GRIK1: variants seen among roughly 807,000 people sequenced by gnomAD.
The protein encoded by GRIK1 is glutamate ionotropic receptor kainate type subunit 1.
GRIK1 carries 69 observed loss-of-function variants against 105.7 expected under a neutral mutation model. The observed-to-expected ratio is 0.65, with a 90% CI of 0.54 to 0.80. GRIK1 has a LOEUF of 0.80. Among genes scored for constraint, GRIK1 ranks in the 30% least tolerant of loss-of-function variants. The pLI is 0.00. For missense variants in GRIK1, 1,109 were observed against 1,167.3 expected (o/e 0.95, Z 0.73); for synonymous variants, 438 against 431.3 (o/e 1.02, Z -0.19).
intron 7 of GRIK1, chr21:29,601,191 G>A (rs772958103): frequency 2.0e-6 from 1 of 502,318 alleles, no homozygotes; most frequent in Non-Finnish European, 4.1e-6. Context: ...GAACAAAAAG[G>A]CAGAGGAAGA....
intron 11 of GRIK1, among the ~76,000 whole-genome samples, chr21:29,588,412 G>T (rs1431679719): frequency 6.6e-6 from 1 of 152,104 alleles, no homozygotes; most frequent in Admixed American, 6.5e-5. Flanking sequence ...ATTGGGATCT[G>T]GTGATTATGA....
At chr21:29,632,859 C>G (rs988882703) in intron 7 of GRIK1, among the ~76,000 whole-genome samples, 2 of 152,176 alleles carry the variant, frequency 1.3e-5, no homozygotes, top group Non-Finnish European at 2.9e-5. Flanking sequence ...TGCAACATTT[C>G]TTGTTGGAGA....
intron 1 of GRIK1, among the ~76,000 whole-genome samples, chr21:29,882,484 A>C (rs1332917783): frequency 6.6e-6 from 1 of 152,122 alleles, no homozygotes; most frequent in African/African-American, 2.4e-5. Context: ...GCTGGTGGGT[A>C]AGAATTGCTC....
At chr21:29,794,100 A>G (rs73897836) in intron 1 of GRIK1, among the ~76,000 whole-genome samples, 2,673 of 152,238 alleles carry the variant, frequency 0.018, 71 homozygotes, top group African/African-American at 0.056. Context: ...TACTTCAAAA[A>G]GTGACCCCGA....
intron 1 of GRIK1, among the ~76,000 whole-genome samples, chr21:29,805,736 G>T (rs969415923): frequency 6.6e-6 from 1 of 152,154 alleles, no homozygotes; most frequent in African/African-American, 2.4e-5. Flanking sequence ...GACATTGCTA[G>T]TCAGCCATTA....
In GRIK1 at chr21:29,746,061, G is replaced by A. The variant is rs1014329313; in HGVS notation, c.119-51998C>T. Among the ~76,000 whole-genome samples the A allele has an allele frequency of 3.9e-5, 6 of 152,084 alleles. No individual in the cohort carries two copies. In the South Asian group the frequency reaches 6.2e-4, roughly 16 times the overall value. On this transcript the variant is annotated intron_variant, in intron 1 of 17. Transcript: ENST00000327783. ...AGAGCTTGCAGTGAGCCAAGATCGC[G>A]CCACTGCACTCCAGCCTGGGTGACA...
At chr21:29,750,098 G>A (rs1272259252) in intron 1 of GRIK1, among the ~76,000 whole-genome samples, 2 of 151,962 alleles carry the variant, frequency 1.3e-5, no homozygotes, top group Non-Finnish European at 2.9e-5. Context: ...TATACAATGA[G>A]GAATCAGGGT....
At chr21:29,646,139 C>A (rs2146538889) in intron 6 of GRIK1, among the ~76,000 whole-genome samples, 1 of 152,254 alleles carries the variant, frequency 6.6e-6, no homozygotes, top group African/African-American at 2.4e-5. Flanking sequence ...TGATGAATGC[C>A]TATTTTTGCT....
At chr21:29,935,672 C>T (rs1215226352) in intron 1 of GRIK1, among the ~76,000 whole-genome samples, 1 of 152,178 alleles carries the variant, frequency 6.6e-6, no homozygotes, top group African/African-American at 2.4e-5. Flanking sequence ...GATTTCCACA[C>T]TATTCATATA....
chr21:29,809,885 A>G (rs2066964493), intron 1 of GRIK1, among the ~76,000 whole-genome samples: 1 of 152,208 alleles, frequency 6.6e-6, no homozygotes, highest in Non-Finnish European at 1.5e-5. Context: ...GCCCGAGGAG[A>G]TGAAGAGAAA....
chr21:29,832,197 G>T (rs939048472), intron 1 of GRIK1, among the ~76,000 whole-genome samples: 2 of 152,176 alleles, frequency 1.3e-5, no homozygotes, highest in African/African-American at 2.4e-5. Context: ...CTATGGATCT[G>T]CAGGGTGCAT....
chr21:29,596,527 T>G lies in GRIK1; in HGVS notation c.1250A>C (p.Lys417Thr). The G allele has an allele frequency of 1.2e-6, 2 of 1,604,638 alleles. No individual in the cohort carries two copies. Among genetic ancestry groups the G allele is most frequent in the Non-Finnish European group, 1.7e-6 (2 of 1,171,360 alleles). The change falls in exon 9 of 18, where the codon AAG (lysine) becomes ACG (threonine). Residue 417 changes from lysine (K) to threonine (T), a missense_variant and splice_region_variant. By Grantham distance (78) the Lys-to-Thr change is moderately conservative. This residue lies in a region of GRIK1 where 612 missense variants were observed against 586.0 expected (regional missense o/e 1.04). Coordinates refer to ENST00000327783, the MANE Select transcript of GRIK1 (RefSeq NM_001330994.2). ...VSKHLYKVWKKIGIWNSNSGL... is the reference protein window; with the variant it reads ...VSKHLYKVWKTIGIWNSNSGL... ...TGCAGTTGTTGTCAGAGTACAAACC[T>G]TCTTCCACACTTTATACAAGTGTTT...
chr21:29,701,443 G>A (rs549531398), intron 1 of GRIK1, among the ~76,000 whole-genome samples: 1 of 152,286 alleles, frequency 6.6e-6, no homozygotes, highest in Non-Finnish European at 1.5e-5. Flanking sequence ...TATTTTTGAG[G>A]AAGAGTGAGG....
intron 1 of GRIK1, among the ~76,000 whole-genome samples, chr21:29,751,026 CA>C (rs1314874166): frequency 2.6e-5 from 4 of 152,054 alleles, no homozygotes; most frequent in Non-Finnish European, 4.4e-5. Flanking sequence ...CAGGCAGGGA[CA>C]GGGGTCACAA....
intron 1 of GRIK1, among the ~76,000 whole-genome samples, chr21:29,896,286 G>A (rs564659174): frequency 4.6e-5 from 7 of 152,222 alleles, no homozygotes; most frequent in South Asian, 2.1e-4. Context: ...TCAATTTCTC[G>A]TGAGCTTTTC....
At chr21:29,755,990 A>T (rs1473659939) in intron 1 of GRIK1, among the ~76,000 whole-genome samples, 1 of 152,254 alleles carries the variant, frequency 6.6e-6, no homozygotes, top group African/African-American at 2.4e-5. Flanking sequence ...TGTCTGGCTT[A>T]TAAAAACCTC....
At chr21:29,606,457 C>T (rs749458736) in intron 7 of GRIK1, among the ~76,000 whole-genome samples, 1 of 151,968 alleles carries the variant, frequency 6.6e-6, no homozygotes, top group African/African-American at 2.4e-5. Flanking sequence ...CTAGAACCAC[C>T]GTGCCTCTCC....
At chr21:29,912,976 A>G (rs2070870632) in intron 1 of GRIK1, among the ~76,000 whole-genome samples, 1 of 152,148 alleles carries the variant, frequency 6.6e-6, no homozygotes, top group African/African-American at 2.4e-5. Flanking sequence ...ATTACAAGAC[A>G]TACTTAATAA....
chr21:29,586,261 T>C (rs1366133811), intron 12 of GRIK1, among the ~76,000 whole-genome samples: 2 of 152,220 alleles, frequency 1.3e-5, no homozygotes, highest in Non-Finnish European at 2.9e-5. Context: ...ATTCATTTCA[T>C]ATTGAATGTA....
Sources: gnomAD v4.1 joint callset for allele counts (sites outside exome capture counted in the v4.1 genomes callset) on GRCh38, gnomAD v4.1.1 for gene constraint, gnomAD v4.1.1 regional missense constraint, MANE v1.5 for transcripts, NCBI Gene and HGNC (gene_info 2026-07-23, HGNC 2026-07-21) for gene names.